The following RBMS3 variants were observed in gnomAD, a reference collection of about 807,000 sequenced individuals.
RBMS3 encodes RNA binding motif single stranded interacting protein 3.
In RBMS3, 27 loss-of-function variants were observed where a neutral mutation model predicts 66.8. That is an observed-to-expected ratio of 0.40 (90% CI 0.30 to 0.56). The LOEUF is 0.56. Ranked by LOEUF, RBMS3 falls within the 20% of genes least tolerant of loss-of-function variation. The pLI, the probability that RBMS3 is intolerant of heterozygous loss-of-function variation, is 0.40. For missense variants in RBMS3, 513 were observed against 549.5 expected (o/e 0.93, Z 0.66); for synonymous variants, 188 against 183.0 (o/e 1.03, Z -0.22).
intron 3 of RBMS3, among the ~76,000 whole-genome samples, chr3:29,514,414 C>G (rs1301621689): frequency 6.6e-6 from 1 of 151,906 alleles, no homozygotes; most frequent in East Asian, 1.9e-4. Context: ...TAGTAGTTTT[C>G]TCATTTAACA....
intron 13 of RBMS3, among the ~76,000 whole-genome samples, chr3:29,989,135 A>G (rs958594328): frequency 6.6e-6 from 1 of 152,198 alleles, no homozygotes; most frequent in African/African-American, 2.4e-5. Flanking sequence ...ACAAGAAAGA[A>G]GTTGTACAAC....
chr3:29,978,723 A>C (rs1697765344), intron 12 of RBMS3, among the ~76,000 whole-genome samples: 1 of 152,218 alleles, frequency 6.6e-6, no homozygotes, highest in Admixed American at 6.5e-5. Flanking sequence ...AAATTATTAA[A>C]GGCCATTAAA....
intron 1 of RBMS3, among the ~76,000 whole-genome samples, chr3:29,423,634 T>C (rs1324340352): frequency 1.3e-5 from 2 of 152,218 alleles, no homozygotes; most frequent in Non-Finnish European, 2.9e-5. Context: ...CATTGTCCAG[T>C]AGAACTTTCT....
chr3:29,391,563 A>G (rs1265313646), intron 1 of RBMS3, among the ~76,000 whole-genome samples: 2 of 152,230 alleles, frequency 1.3e-5, no homozygotes, highest in South Asian at 2.1e-4. Context: ...AAAAGCTATT[A>G]TAGTTATTAA....
chr3:29,301,982 T>C (rs970612922), intron 1 of RBMS3, among the ~76,000 whole-genome samples: 2 of 151,940 alleles, frequency 1.3e-5, no homozygotes, highest in African/African-American at 4.8e-5. Context: ...GACATATCCA[T>C]CTCTATCACC....
At chr3:29,508,498 A>C (rs1040610681) in intron 3 of RBMS3, among the ~76,000 whole-genome samples, 1 of 152,170 alleles carries the variant, frequency 6.6e-6, no homozygotes, top group Non-Finnish European at 1.5e-5. Context: ...AATGGTTTCC[A>C]GCTTCATCCA....
intron 2 of RBMS3, among the ~76,000 whole-genome samples, chr3:29,470,434 T>C (rs2042686610): frequency 6.6e-6 from 1 of 152,076 alleles, no homozygotes; most frequent in Non-Finnish European, 1.5e-5. Context: ...AATAGCTATA[T>C]CAGTTATTCT....
intron 10 of RBMS3, among the ~76,000 whole-genome samples, chr3:29,914,375 C>T (rs1474330268): frequency 2.6e-5 from 4 of 151,854 alleles, no homozygotes; most frequent in Non-Finnish European, 5.9e-5. Context: ...CCTCCAAATA[C>T]AGGTTTGCCA....
chr3:29,470,702 A>G (rs979673606), intron 2 of RBMS3, among the ~76,000 whole-genome samples: 1 of 152,130 alleles, frequency 6.6e-6, no homozygotes, highest in African/African-American at 2.4e-5. Context: ...TTTGAAGTTT[A>G]TTGGAATGCT....
chr3:29,672,217 T>C lies in RBMS3; in HGVS notation c.400-67503T>C, dbSNP rs188510400. On this transcript the variant is annotated intron_variant, in intron 4 of 14. Coordinates refer to ENST00000383767, the MANE Select transcript of RBMS3 (RefSeq NM_001003793.3). ...CATAAGTGAAGGAGAAATAAAATTC[T>C]TTACAGACAAGCAAATGCTGAGAGA... Among the ~76,000 whole-genome samples the C allele has an allele frequency of 4.4e-3, 674 of 152,278 alleles. 6 individuals carry two copies. The highest frequency in any genetic ancestry group is 0.015 in the African/African-American group (620 of 41,556).
chr3:29,776,876 A>G (rs1040613322), intron 6 of RBMS3, among the ~76,000 whole-genome samples: 13 of 151,908 alleles, frequency 8.6e-5, no homozygotes, highest in Non-Finnish European at 1.6e-4. Context: ...ATACATGTCC[A>G]TGTTAGAGGT....
At chr3:29,949,205 T>C (rs56402524) in intron 12 of RBMS3, among the ~76,000 whole-genome samples, 2,936 of 151,402 alleles carry the variant, frequency 0.019, 108 homozygotes, top group African/African-American at 0.068. Flanking sequence ...TTGGTTTTTG[T>C]TTTGTTTTGT....
intron 3 of RBMS3, among the ~76,000 whole-genome samples, chr3:29,503,953 C>T (rs2044081294): frequency 6.6e-6 from 1 of 152,042 alleles, no homozygotes; most frequent in Non-Finnish European, 1.5e-5. Flanking sequence ...GGATTTAACT[C>T]GAGTTAAAGC....
chr3:29,301,498 G>A (rs1208246286), intron 1 of RBMS3, among the ~76,000 whole-genome samples: 7 of 151,958 alleles, frequency 4.6e-5, no homozygotes, highest in East Asian at 1.9e-4. Context: ...TTAGTTTGAC[G>A]CTTATGTGCA....
chr3:29,322,992 C>T (rs962197445), intron 1 of RBMS3, among the ~76,000 whole-genome samples: 10 of 152,008 alleles, frequency 6.6e-5, no homozygotes, highest in Admixed American at 2.0e-4. Context: ...GTGCCAAGAA[C>T]GCAACTTGGC....
rs895051388 is a variant in RBMS3 at position 29,288,045 on chromosome 3, A to G, written c.75+6289A>G. On this transcript the variant is annotated intron_variant, in intron 1 of 14. Coordinates refer to ENST00000383767, the MANE Select transcript of RBMS3 (RefSeq NM_001003793.3). ...TCACGAATAAAATTTTAATAATTCA[A>G]AACCAATTCCTAATAAATATCAAAT... Among the ~76,000 whole-genome samples the G allele has an allele frequency of 2.2e-4, 33 of 152,092 alleles. 1 individual carries two copies. The highest frequency in any genetic ancestry group is 2.0e-3 in the Admixed American group (30 of 15,244).
chr3:29,909,851 T>G (rs143580695), intron 10 of RBMS3, among the ~76,000 whole-genome samples: 2 of 152,212 alleles, frequency 1.3e-5, no homozygotes, highest in African/African-American at 4.8e-5. Context: ...CTAACAACCT[T>G]TAAAATGAAA....
At chr3:29,342,571 G>T (rs186027011) in intron 1 of RBMS3, among the ~76,000 whole-genome samples, 1 of 152,072 alleles carries the variant, frequency 6.6e-6, no homozygotes, top group African/African-American at 2.4e-5. Flanking sequence ...AGCTTGGATC[G>T]TGAAAACACA....
In RBMS3 at chr3:30,007,170, C is replaced by T. The variant is rs1484827379; in HGVS notation, c.*3308C>T. On this transcript the variant is annotated 3_prime_UTR_variant, in exon 15 of 15. Coordinates refer to ENST00000383767, the MANE Select transcript of RBMS3 (RefSeq NM_001003793.3). ...AAGCATCAACAGGTAAGCAGCATTACATTGTGTGGTAATAAACCAAAATAA... is the reference window on the plus strand; with the variant it reads ...AAGCATCAACAGGTAAGCAGCATTATATTGTGTGGTAATAAACCAAAATAA... The T allele has an allele frequency of 1.3e-5, 2 of 152,068 alleles. No homozygotes were observed. Among genetic ancestry groups the T allele is most frequent in the Non-Finnish European group, 2.9e-5 (2 of 67,948 alleles). The allele number at this position is 152,068 out of a possible 1,614,324, so 9.4% of individuals were successfully genotyped here. A position where few individuals can be genotyped will look rare whatever the true frequency, so the allele number is the denominator to read the frequency against.
Sources: allele counts gnomAD v4.1 joint callset (sites outside exome capture counted in the v4.1 genomes callset), GRCh38; gene constraint gnomAD v4.1.1; transcripts MANE v1.5; gene names NCBI Gene and HGNC (gene_info 2026-07-23, HGNC 2026-07-21).